APBB1IP: variants seen among roughly 807,000 people sequenced by gnomAD.
The protein encoded by APBB1IP is amyloid beta precursor protein binding family B member 1 interacting protein.
Under a neutral mutation model 64.9 loss-of-function variants are expected in APBB1IP, and 27 were observed. The observed-to-expected ratio is 0.42, with a 90% CI of 0.31 to 0.57. The LOEUF is 0.57. Ranked by LOEUF, APBB1IP falls within the 20% of genes least tolerant of loss-of-function variation. APBB1IP has a pLI of 0.20. For synonymous variants in APBB1IP, 392 were observed against 331.0 expected, an observed-to-expected ratio of 1.18 and a Z score of -2.00; for missense variants, 812 against 845.5, an observed-to-expected ratio of 0.96 and a Z score of 0.49.
At chr10:26,550,205 A>G (rs1197011541) in intron 11 of APBB1IP, among the ~76,000 whole-genome samples, 1 of 151,658 alleles carries the variant, frequency 6.6e-6, no homozygotes, top group Non-Finnish European at 1.5e-5. Context: ...ACCTTTGAGA[A>G]TTTGATTATG....
chr10:26,567,541 A>G lies in APBB1IP; in HGVS notation c.*53A>G. On this transcript the variant is annotated 3_prime_UTR_variant, in exon 15 of 15. Transcript: ENST00000376236. ...GAGAAGCATCGCTGACCCCGAGCGC[A>G]GGTTTTGCTAGCAGATTGCCCTGAC... 1 of 1,509,952 alleles carries G rather than the reference A, an allele frequency of 6.6e-7. No individual in the cohort carries two copies. The highest frequency in any genetic ancestry group is 9.0e-7 in the Non-Finnish European group (1 of 1,112,878). The allele number at this position is 1,509,952 out of a possible 1,614,324, so 93.5% of individuals were successfully genotyped here.
At position 26,513,543 on chromosome 10, in the gene APBB1IP, G is replaced by C. The variant is rs747616190; in HGVS notation, c.696G>C (p.Arg232Ser). The change falls in exon 8 of 15, where the codon AGG becomes AGC. Residue 232 changes from arginine to serine, a missense_variant. Around this residue, in one of 3 missense-constraint regions of APBB1IP, gnomAD observed 394 missense variants for 413.1 expected, o/e 0.95. Coordinates refer to ENST00000376236, the MANE Select transcript of APBB1IP (RefSeq NM_019043.4). ...YEIYPELQIE[R>S]FFEDHENVVE... is the part of the protein sequence containing the mutation. ...TACCTTTTCTTATTTCATCAGAGAG[G>C]TTTTTTGAAGACCATGAAAATGTTG... 6.2e-7 allele frequency: 1 copy of C among 1,611,876 alleles called. No individual in the cohort carries two copies. Among genetic ancestry groups the C allele is most frequent in the Non-Finnish European group, 8.5e-7 (1 of 1,179,534 alleles).
chr10:26,539,914 C>G (rs1836676518), intron 10 of APBB1IP, among the ~76,000 whole-genome samples: 1 of 152,056 alleles, frequency 6.6e-6, no homozygotes, highest in African/African-American at 2.4e-5. Context: ...ATAAAATAAA[C>G]AATATAGATA....
At chr10:26,465,682 G>T (rs760945450) in intron 2 of APBB1IP, among the ~76,000 whole-genome samples, 1 of 152,050 alleles carries the variant, frequency 6.6e-6, no homozygotes, top group Admixed American at 6.6e-5. Flanking sequence ...GACATTTTGG[G>T]CATGTTTAAG....
intron 6 of APBB1IP, among the ~76,000 whole-genome samples, chr10:26,508,449 A>T (rs787031): frequency 0.57 from 86,176 of 151,504 alleles, 27,159 homozygotes; most frequent in East Asian, 0.87. Flanking sequence ...AGGTCTCAGA[A>T]ATTTTGTGTT....
intron 3 of APBB1IP, among the ~76,000 whole-genome samples, chr10:26,495,980 TAA>T (rs1175523129): frequency 1.1e-3 from 159 of 143,044 alleles, no homozygotes; most frequent in African/African-American, 3.9e-3. Flanking sequence ...TATATAAATA[TAA>T]TATATATATT....
At chr10:26,463,346 G>A (rs1183681336) in intron 2 of APBB1IP, among the ~76,000 whole-genome samples, 20 of 152,164 alleles carry the variant, frequency 1.3e-4, no homozygotes, top group Non-Finnish European at 1.0e-4. Flanking sequence ...AGGCTAAGGC[G>A]AGAGAATTAC....
intron 7 of APBB1IP, among the ~76,000 whole-genome samples, chr10:26,513,194 T>C (rs1467234340): frequency 6.6e-6 from 1 of 152,188 alleles, no homozygotes; most frequent in African/African-American, 2.4e-5. Context: ...GGCAGGAGGA[T>C]TGCTTGAGCC....
At chr10:26,517,328 C>A (rs1836345014) in intron 8 of APBB1IP, among the ~76,000 whole-genome samples, 1 of 152,254 alleles carries the variant, frequency 6.6e-6, no homozygotes, top group Non-Finnish European at 1.5e-5. Context: ...CGGCCTTCCT[C>A]CTGGCCCTTC....
At chr10:26,563,344 C>A (rs541810708) in intron 14 of APBB1IP, among the ~76,000 whole-genome samples, 17 of 151,970 alleles carry the variant, frequency 1.1e-4, no homozygotes, top group Admixed American at 2.0e-4. Flanking sequence ...CAGATAAAGA[C>A]CCTGTCTTAA....
At chr10:26,488,290 T>C (rs10829011) in intron 2 of APBB1IP, among the ~76,000 whole-genome samples, 51,037 of 151,716 alleles carry the variant, frequency 0.34, 10,098 homozygotes, top group East Asian at 0.64. Flanking sequence ...GGCTGGACTT[T>C]GGTGGCACCA....
chr10:26,466,537 ACACCTATAATCCCAG>A (rs1313480280), intron 2 of APBB1IP, among the ~76,000 whole-genome samples: 1 of 152,216 alleles, frequency 6.6e-6, no homozygotes, highest in Admixed American at 6.5e-5. Context: ...ACAGTGGCTC[ACACCTATAATCCCAG>A]CACTTTGGGT....
intron 2 of APBB1IP, among the ~76,000 whole-genome samples, chr10:26,475,834 G>A (rs569946197): frequency 1.3e-5 from 2 of 152,122 alleles, no homozygotes; most frequent in East Asian, 1.9e-4. Flanking sequence ...CCCCTTCTCT[G>A]TTTTTTGTTT....
chr10:26,551,792 T>G (rs1035640505), intron 11 of APBB1IP, among the ~76,000 whole-genome samples: 1 of 152,244 alleles, frequency 6.6e-6, no homozygotes, highest in Admixed American at 6.5e-5. Context: ...ATAAATGTCA[T>G]GAGAGCAAGG....
At chr10:26,538,945 A>T (rs937911356) in intron 10 of APBB1IP, among the ~76,000 whole-genome samples, 4 of 152,248 alleles carry the variant, frequency 2.6e-5, no homozygotes, top group African/African-American at 9.6e-5. Context: ...AGAGAAGTTA[A>T]AGTTGGAATT....
chr10:26,530,719 C>A (rs956962669), intron 8 of APBB1IP, among the ~76,000 whole-genome samples: 1 of 151,820 alleles, frequency 6.6e-6, no homozygotes, highest in African/African-American at 2.4e-5. Context: ...AATAACTCAA[C>A]GTTCTGCCAC....
chr10:26,456,427 T>C (rs1835525937), intron 2 of APBB1IP, among the ~76,000 whole-genome samples: 1 of 151,854 alleles, frequency 6.6e-6, no homozygotes, highest in Non-Finnish European at 1.5e-5. Flanking sequence ...GTTGGAGGGG[T>C]TGATGCGGGT....
At chr10:26,490,641 A>C (rs546225040) in intron 2 of APBB1IP, among the ~76,000 whole-genome samples, 31 of 152,330 alleles carry the variant, frequency 2.0e-4, no homozygotes, top group African/African-American at 7.0e-4. Flanking sequence ...AGAAAAAAAG[A>C]AATGGAGTAT....
chr10:26,458,280 T>C (rs1334415616), intron 2 of APBB1IP, among the ~76,000 whole-genome samples: 1 of 152,016 alleles, frequency 6.6e-6, no homozygotes, highest in East Asian at 1.9e-4. Flanking sequence ...CCCAGCTACT[T>C]GGAAGGCTGA....
Sources: allele counts gnomAD v4.1 joint callset (sites outside exome capture counted in the v4.1 genomes callset), GRCh38; gene constraint gnomAD v4.1.1; regional missense constraint gnomAD v4.1.1; transcripts MANE v1.5; gene names NCBI Gene and HGNC (gene_info 2026-07-23, HGNC 2026-07-21).